RBM47: variants seen among roughly 807,000 people sequenced by gnomAD.
The protein encoded by RBM47 is RNA-binding protein 47.
In RBM47, 21 loss-of-function variants were observed where a neutral mutation model predicts 47.1. The ratio of observed to expected loss-of-function variants is 0.45; its 90% CI spans 0.32 to 0.64. The LOEUF (loss-of-function observed/expected upper bound fraction) is 0.64. Among genes scored for constraint, RBM47 ranks in the 30% least tolerant of loss-of-function variants. The probability of loss-of-function intolerance (pLI) is 0.05; values close to 1 mark genes in which losing one functional copy is unlikely to be tolerated. For missense variants in RBM47, 708 were observed against 870.9 expected, an observed-to-expected ratio of 0.81 and a Z score of 2.35; for synonymous variants, 375 against 361.7, an observed-to-expected ratio of 1.04 and a Z score of -0.42.
At chr4:40,462,696 G>A (rs947453450) in intron 3 of RBM47, among the ~76,000 whole-genome samples, 13 of 152,124 alleles carry the variant, frequency 8.5e-5, no homozygotes, top group East Asian at 7.7e-4. Flanking sequence ...TACTCATGTC[G>A]TTTTCTTAAC....
At chr4:40,439,412 A>G (rs1713279740) in intron 3 of RBM47, among the ~76,000 whole-genome samples, 1 of 152,226 alleles carries the variant, frequency 6.6e-6, no homozygotes, top group South Asian at 2.1e-4. Flanking sequence ...ATTATTAAAG[A>G]AAACTTTTAG....
intron 6 of RBM47, among the ~76,000 whole-genome samples, chr4:40,427,854 T>TATAATAATTTTAATTTATAATTATA (rs1715281331): frequency 6.6e-6 from 1 of 151,558 alleles, no homozygotes; most frequent in African/African-American, 2.4e-5. Flanking sequence ...AATTATAATT[T>TATAATAATTTTAATTTATAATTATA]ATAATAATTT....
At chr4:40,566,410 G>C (rs1416416191) in intron 1 of RBM47, among the ~76,000 whole-genome samples, 1 of 152,184 alleles carries the variant, frequency 6.6e-6, no homozygotes, top group Non-Finnish European at 1.5e-5. Context: ...ACTTTGGGAG[G>C]CTGAGGTGGG....
intron 4 of RBM47, among the ~76,000 whole-genome samples, chr4:40,437,170 AT>A (rs201448586): frequency 0.021 from 2,644 of 127,920 alleles, 156 homozygotes; most frequent in African/African-American, 0.051. Context: ...ATATATATAT[AT>A]AATACATATA....
chr4:40,520,075 C>CA (rs1173677846), intron 2 of RBM47, among the ~76,000 whole-genome samples: 3 of 152,088 alleles, frequency 2.0e-5, no homozygotes, highest in Non-Finnish European at 4.4e-5. Context: ...AAAATCCAAC[C>CA]AAAAAATATG....
intron 3 of RBM47, among the ~76,000 whole-genome samples, chr4:40,461,792 G>A (rs778557167): frequency 2.6e-5 from 4 of 151,974 alleles, no homozygotes; most frequent in African/African-American, 4.8e-5. Context: ...AAAATTAGTC[G>A]GGCATGGTGG....
chr4:40,516,871 C>T (rs1233637136), intron 2 of RBM47, among the ~76,000 whole-genome samples: 1 of 152,218 alleles, frequency 6.6e-6, no homozygotes, highest in Admixed American at 6.5e-5. Flanking sequence ...CATCTTCCTT[C>T]CTCCCTCAGC....
rs370502604 is a variant in RBM47 at position 40,426,181 on chromosome 4, G to C, written c.1543-38C>G. On this transcript the variant is annotated intron_variant, in intron 6 of 6. Transcript: ENST00000295971. Reference sequence around the variant, plus strand: ...GACAAAAAGGAGCCTTCCTGAACACGTGTATGTACCTATCATCCATTCATT... The same window carrying C: ...GACAAAAAGGAGCCTTCCTGAACACCTGTATGTACCTATCATCCATTCATT... 2.9e-5 allele frequency: 47 copies of C among 1,595,538 alleles called. No individual in the cohort carries two copies. In the African/African-American group the frequency reaches 5.4e-4, roughly 18 times the overall value.
intron 1 of RBM47, among the ~76,000 whole-genome samples, chr4:40,616,874 CTT>C (rs1300005872): frequency 1.8e-5 from 2 of 111,654 alleles, no homozygotes. Flanking sequence ...ATTTTCTTTT[CTT>C]TTTTTTTTTT....
intron 3 of RBM47, among the ~76,000 whole-genome samples, chr4:40,441,293 A>G (rs78069934): frequency 0.018 from 2,725 of 151,314 alleles, 47 homozygotes; most frequent in East Asian, 0.051. Flanking sequence ...AAAGATCCCA[A>G]TTAAAATAGA....
At chr4:40,593,740 T>C (rs892420792) in intron 1 of RBM47, among the ~76,000 whole-genome samples, 34 of 151,850 alleles carry the variant, frequency 2.2e-4, no homozygotes, top group Non-Finnish European at 4.7e-4. Flanking sequence ...CAAAATTAGC[T>C]GGGCGTGGTG....
intron 1 of RBM47, among the ~76,000 whole-genome samples, chr4:40,585,705 T>C (rs1733510707): frequency 6.6e-6 from 1 of 152,160 alleles, no homozygotes; most frequent in East Asian, 1.9e-4. Flanking sequence ...CGGCACACGA[T>C]CAAGCACGGT....
At chr4:40,565,378 G>C (rs1472044957) in intron 1 of RBM47, among the ~76,000 whole-genome samples, 1 of 152,150 alleles carries the variant, frequency 6.6e-6, no homozygotes, top group Non-Finnish European at 1.5e-5. Flanking sequence ...TGCTGGGCTG[G>C]ATATTAACCC....
intron 1 of RBM47, among the ~76,000 whole-genome samples, chr4:40,549,524 G>GT (rs11381654): frequency 0.26 from 34,235 of 132,618 alleles, 4,567 homozygotes; most frequent in East Asian, 0.38. Context: ...TTGTTTGTTC[G>GT]TTTTTTTTTT....
chr4:40,622,366 G>C (rs1422252073), intron 1 of RBM47, among the ~76,000 whole-genome samples: 1 of 152,214 alleles, frequency 6.6e-6, no homozygotes, highest in African/African-American at 2.4e-5. Flanking sequence ...TTCAGGCATC[G>C]GGGCAGCCAG....
intron 1 of RBM47, among the ~76,000 whole-genome samples, chr4:40,586,928 C>A (rs904041896): frequency 6.6e-6 from 1 of 152,120 alleles, no homozygotes; most frequent in African/African-American, 2.4e-5. Context: ...CAGACAACGG[C>A]ATGACCTTGG....
At chr4:40,542,750 TG>T (rs1469394215) in intron 2 of RBM47, 1 of 152,180 alleles carries the variant, frequency 6.6e-6, no homozygotes, top group African/African-American at 2.4e-5. Flanking sequence ...TTGCCCAGGT[TG>T]GTCTTGAACT....
chr4:40,476,299 T>C (rs1000783863), intron 2 of RBM47, among the ~76,000 whole-genome samples: 1 of 152,248 alleles, frequency 6.6e-6, no homozygotes, highest in East Asian at 1.9e-4. Flanking sequence ...TGTTGCTTTT[T>C]CCCCTTCTCA....
At chr4:40,559,060 G>C (rs1327136159) in intron 1 of RBM47, among the ~76,000 whole-genome samples, 1 of 152,054 alleles carries the variant, frequency 6.6e-6, no homozygotes, top group Non-Finnish European at 1.5e-5. Context: ...TGGTGAATAG[G>C]GCAGATCCAG....
Sources: gnomAD v4.1 joint callset for allele counts (sites outside exome capture counted in the v4.1 genomes callset) on GRCh38, gnomAD v4.1.1 for gene constraint, MANE v1.5 for transcripts, NCBI Gene and HGNC (gene_info 2026-07-23, HGNC 2026-07-21) for gene names.